FOXP2: variants seen among roughly 807,000 people sequenced by gnomAD.
The protein encoded by FOXP2 is forkhead box P2.
FOXP2 carries 12 observed loss-of-function variants against 115.8 expected under a neutral mutation model. The ratio of observed to expected loss-of-function variants is 0.10; its 90% confidence interval spans 0.07 to 0.17. FOXP2 has a LOEUF of 0.17. FOXP2 is among the 10% of genes least tolerant of loss of function. The pLI, the probability that FOXP2 is intolerant of heterozygous loss-of-function variation, is 1.00. For synonymous variants in FOXP2, 328 were observed against 297.7 expected, an observed-to-expected ratio of 1.10 and a Z score of -1.05; for missense variants, 629 against 843.5, an observed-to-expected ratio of 0.75 and a Z score of 3.15.
chr7:114,571,549 A>G (rs1320510104), intron 3 of FOXP2, among the ~76,000 whole-genome samples: 1 of 151,914 alleles, frequency 6.6e-6, no homozygotes, highest in Non-Finnish European at 1.5e-5. Context: ...CTTCACAGTC[A>G]TGGGTTCTGT....
At chr7:114,274,293 G>T (rs1333801295) in intron 1 of FOXP2, among the ~76,000 whole-genome samples, 1 of 151,998 alleles carries the variant, frequency 6.6e-6, no homozygotes. Context: ...ACATATACAT[G>T]AGATATGTAC....
At chr7:114,155,662 A>G (rs1792646072) in intron 1 of FOXP2, among the ~76,000 whole-genome samples, 1 of 152,126 alleles carries the variant, frequency 6.6e-6, no homozygotes, top group African/African-American at 2.4e-5. Context: ...TTTTAGCAGC[A>G]AATCTGTATG....
chr7:114,116,846 G>T (rs980143251), intron 1 of FOXP2, among the ~76,000 whole-genome samples: 1 of 152,028 alleles, frequency 6.6e-6, no homozygotes, highest in Non-Finnish European at 1.5e-5. Context: ...TCAGTCTCCC[G>T]CTCTTCAAAG....
At chr7:114,477,537 G>A (rs1240441186) in intron 2 of FOXP2, among the ~76,000 whole-genome samples, 1 of 151,690 alleles carries the variant, frequency 6.6e-6, no homozygotes, top group Non-Finnish European at 1.5e-5. Flanking sequence ...ATTACCTATT[G>A]GATACTATGC....
intron 2 of FOXP2, among the ~76,000 whole-genome samples, chr7:114,528,329 C>G (rs1372409147): frequency 6.6e-6 from 1 of 151,940 alleles, no homozygotes; most frequent in Non-Finnish European, 1.5e-5. Flanking sequence ...AAAATAATTT[C>G]TTTTACTTAT....
intron 2 of FOXP2, among the ~76,000 whole-genome samples, chr7:114,527,595 C>T (rs1341898001): frequency 6.6e-6 from 1 of 152,032 alleles, no homozygotes; most frequent in Non-Finnish European, 1.5e-5. Flanking sequence ...CTCTGATCAC[C>T]CTCAACCTAG....
chr7:114,381,052 G>A (rs1367075819), intron 2 of FOXP2, among the ~76,000 whole-genome samples: 3 of 152,204 alleles, frequency 2.0e-5, no homozygotes, highest in African/African-American at 7.2e-5. Flanking sequence ...CTTACTAAAT[G>A]GGTATTGGCT....
At chr7:114,247,090 T>C (rs986781656) in intron 1 of FOXP2, among the ~76,000 whole-genome samples, 4 of 152,228 alleles carry the variant, frequency 2.6e-5, no homozygotes, top group African/African-American at 9.6e-5. Flanking sequence ...CACTGTGTTT[T>C]ACAAAATAAT....
intron 2 of FOXP2, among the ~76,000 whole-genome samples, chr7:114,429,361 T>G (rs1794005924): frequency 6.6e-6 from 1 of 151,458 alleles, no homozygotes; most frequent in Non-Finnish European, 1.5e-5. Context: ...TGCTCTGCTA[T>G]CTTATATTTA....
intron 3 of FOXP2, among the ~76,000 whole-genome samples, chr7:114,619,936 A>G (rs1804154551): frequency 6.6e-6 from 1 of 152,100 alleles, no homozygotes; most frequent in South Asian, 2.1e-4. Flanking sequence ...GACAGTACAC[A>G]TGTAAATGTC....
At chr7:114,638,884 T>C (rs1805372293) in intron 6 of FOXP2, among the ~76,000 whole-genome samples, 2 of 152,216 alleles carry the variant, frequency 1.3e-5, no homozygotes, top group African/African-American at 4.8e-5. Context: ...TGTGTCTTCC[T>C]GTTTTTAATT....
intron 16 of FOXP2, among the ~76,000 whole-genome samples, chr7:114,687,257 C>T (rs1328388578): frequency 6.6e-6 from 1 of 152,096 alleles, no homozygotes; most frequent in Non-Finnish European, 1.5e-5. Context: ...GTTTGTGTCA[C>T]CATAAAGAAT....
intron 1 of FOXP2, among the ~76,000 whole-genome samples, chr7:114,214,156 A>G (rs1794428355): frequency 6.6e-6 from 1 of 152,198 alleles, no homozygotes; most frequent in East Asian, 1.9e-4. Context: ...CTTTGTATTT[A>G]GTTTGTTGTT....
intron 1 of FOXP2, among the ~76,000 whole-genome samples, chr7:114,166,970 A>T (rs1792999632): frequency 6.6e-6 from 1 of 152,190 alleles, no homozygotes; most frequent in Non-Finnish European, 1.5e-5. Context: ...CTCATTGCTG[A>T]TGGAATGCAA....
At chr7:114,119,760 T>C (rs1485965570) in intron 1 of FOXP2, among the ~76,000 whole-genome samples, 1 of 152,138 alleles carries the variant, frequency 6.6e-6, no homozygotes, top group Non-Finnish European at 1.5e-5. Context: ...GATTCTTAAA[T>C]ATCTTAAAAT....
intron 1 of FOXP2, among the ~76,000 whole-genome samples, chr7:114,202,072 C>T: frequency 6.6e-6 from 1 of 152,182 alleles, no homozygotes; most frequent in East Asian, 1.9e-4. Context: ...GCAATGAATC[C>T]TCAGAAACCA....
intron 2 of FOXP2, among the ~76,000 whole-genome samples, chr7:114,402,879 T>C (rs559178892): frequency 6.6e-6 from 1 of 152,232 alleles, no homozygotes; most frequent in African/African-American, 2.4e-5. Context: ...CCTCAAGTCC[T>C]TAAGTGATCT....
intron 2 of FOXP2, among the ~76,000 whole-genome samples, chr7:114,348,182 G>A (rs759280744): frequency 3.3e-5 from 5 of 151,980 alleles, no homozygotes; most frequent in African/African-American, 9.7e-5. Context: ...AGCAACATTG[G>A]TAAGTCAAAT....
chr7:114,469,527 T>G (rs1795952868), intron 2 of FOXP2, among the ~76,000 whole-genome samples: 1 of 152,188 alleles, frequency 6.6e-6, no homozygotes, highest in Admixed American at 6.6e-5. Flanking sequence ...TTTTAGTTGG[T>G]ATGCCTAGAA....
Sources: gnomAD v4.1 joint callset for allele counts (sites outside exome capture counted in the v4.1 genomes callset) on GRCh38, gnomAD v4.1.1 for gene constraint, MANE v1.5 for transcripts, NCBI Gene and HGNC (gene_info 2026-07-23, HGNC 2026-07-21) for gene names.